Variants in PARP8 observed in about 807,000 individuals in gnomAD.
PARP8 encodes poly(ADP-ribose) polymerase family member 8, also known as protein mono-ADP-ribosyltransferase PARP8.
In PARP8, 51 loss-of-function variants were observed where a neutral mutation model predicts 124.1. That is an observed-to-expected ratio of 0.41 (90% CI 0.33 to 0.52). The LOEUF is 0.52. Among genes scored for constraint, PARP8 ranks in the 20% least tolerant of loss-of-function variants. The pLI, the probability that PARP8 is intolerant of heterozygous loss-of-function variation, is 0.21. For missense variants in PARP8, 860 were observed against 1,018.9 expected (o/e 0.84, Z 2.12); for synonymous variants, 391 against 361.5 (o/e 1.08, Z -0.93).
rs1481647977 is a variant in PARP8 at position 50,846,380 on chromosome 5, G to T, written c.*4312G>T. On this transcript the variant is annotated 3_prime_UTR_variant, in exon 26 of 26. Transcript: ENST00000281631. ...TAAATACTGCCAAGAGATCAGTAAG[G>T]CCAAATATTTTCTCTATTCACTTTT... 6.6e-6 allele frequency: 1 copy of T among 151,758 alleles called. No homozygotes were observed. Among genetic ancestry groups the T allele is most frequent in the East Asian group, 1.9e-4 (1 of 5,148 alleles). 9.4% of individuals were successfully genotyped at this position (151,758 alleles called of 1,614,324 possible).
At chr5:50,758,303 A>G (rs557489605) in intron 3 of PARP8, among the ~76,000 whole-genome samples, 1 of 152,358 alleles carries the variant, frequency 6.6e-6, no homozygotes, top group South Asian at 2.1e-4. Context: ...GCACTAATCC[A>G]AATAATGAGG....
chr5:50,739,888 A>G (rs1264756518), intron 2 of PARP8, among the ~76,000 whole-genome samples: 1 of 151,276 alleles, frequency 6.6e-6, no homozygotes, highest in Non-Finnish European at 1.5e-5. Flanking sequence ...AGCTGGGATT[A>G]CAGGCACCCA....
chr5:50,672,309 A>G lies in PARP8; in HGVS notation c.146+4184A>G, dbSNP rs1382716989. 3.9e-5 allele frequency among the ~76,000 whole-genome samples: 6 copies of G among 152,192 alleles called. No homozygotes were observed. The East Asian group carries it at 7.7e-4, about 20-fold the overall frequency. On this transcript the variant is annotated intron_variant, in intron 2 of 25. Coordinates refer to ENST00000281631, the MANE Select transcript of PARP8 (RefSeq NM_024615.4). The stretch of plus-strand genomic sequence containing the variant: ...ATGGGAATTCTCTCCTATGCGTTGC[A>G]GTTTCCCCAGCCCCTAGCACACTGT...
chr5:50,836,353 C>A (rs1249298274), intron 25 of PARP8, among the ~76,000 whole-genome samples: 1 of 152,110 alleles, frequency 6.6e-6, no homozygotes, highest in East Asian at 1.9e-4. Context: ...CAGTCAGAAT[C>A]CAAACAAGAA....
intron 7 of PARP8, among the ~76,000 whole-genome samples, chr5:50,768,270 T>C (rs970750321): frequency 1.2e-4 from 18 of 151,914 alleles, no homozygotes; most frequent in African/African-American, 4.4e-4. Context: ...CCATTAAAAA[T>C]AGGAGAACAA....
At chr5:50,672,639 G>T (rs942210999) in intron 2 of PARP8, among the ~76,000 whole-genome samples, 2 of 152,166 alleles carry the variant, frequency 1.3e-5, no homozygotes, top group African/African-American at 4.8e-5. Flanking sequence ...TGACACAGTG[G>T]AGAGTTTGGA....
chr5:50,674,688 G>C lies in PARP8; in HGVS notation c.146+6563G>C, dbSNP rs531725591. ...TCCTAACATCTACATGCTTCTGTTT[G>C]CTTAGTGACCACCCCCCGCCCACTC... On this transcript the variant is annotated intron_variant, in intron 2 of 25. Transcript: ENST00000281631. 2.0e-5 allele frequency among the ~76,000 whole-genome samples: 3 copies of C among 152,162 alleles called. No homozygotes were observed. The East Asian group carries it at 5.8e-4, about 29-fold the overall frequency.
intron 7 of PARP8, among the ~76,000 whole-genome samples, chr5:50,772,977 C>T (rs1761781161): frequency 1.3e-5 from 2 of 152,204 alleles, no homozygotes; most frequent in Admixed American, 1.3e-4. Context: ...GGATTACAGG[C>T]ATGAGCCACC....
chr5:50,749,560 A>T (rs1758996091), intron 2 of PARP8, among the ~76,000 whole-genome samples: 1 of 152,136 alleles, frequency 6.6e-6, no homozygotes. Context: ...AATATAATTT[A>T]AAAATTATTT....
At chr5:50,819,550 C>T (rs139008455) in intron 15 of PARP8, among the ~76,000 whole-genome samples, 2,338 of 145,638 alleles carry the variant, frequency 0.016, 65 homozygotes, top group African/African-American at 0.057. Flanking sequence ...AAGCAGTACT[C>T]CTGCCTCAGC....
chr5:50,837,863 A>T (rs1187907012), intron 25 of PARP8, among the ~76,000 whole-genome samples: 1 of 152,130 alleles, frequency 6.6e-6, no homozygotes, highest in East Asian at 1.9e-4. Flanking sequence ...GAAGAAACTT[A>T]ATTAAATATA....
chr5:50,846,238 A>G lies in PARP8; in HGVS notation c.*4170A>G, dbSNP rs1748603501. 1 of 151,776 alleles carries G rather than the reference A, an allele frequency of 6.6e-6. No homozygotes were observed. The highest frequency in any genetic ancestry group is 1.5e-5 in the Non-Finnish European group (1 of 67,790). 9.4% of individuals were successfully genotyped at this position (151,776 alleles called of 1,614,324 possible). A position where few individuals can be genotyped will look rare whatever the true frequency, so the allele number is the denominator to read the frequency against. ...AAGATATGCCTATGTTTCTTTAACT[A>G]TACAGCCTCTTTACAATAAATTTCT... On this transcript the variant is annotated 3_prime_UTR_variant, in exon 26 of 26. Transcript: ENST00000281631.
At chr5:50,796,421 GT>G (rs772867354) in intron 12 of PARP8, among the ~76,000 whole-genome samples, 2 of 152,122 alleles carry the variant, frequency 1.3e-5, no homozygotes, top group South Asian at 4.1e-4. Flanking sequence ...TCAAACATAC[GT>G]TTTAAGGACA....
At chr5:50,816,217 AATTTAATGT>A (rs1299807771) in intron 15 of PARP8, among the ~76,000 whole-genome samples, 1 of 152,154 alleles carries the variant, frequency 6.6e-6, no homozygotes, top group Non-Finnish European at 1.5e-5. Context: ...ATTATGAATA[AATTTAATGT>A]ATGTTAAAGT....
chr5:50,755,958 T>G (rs1173666216), intron 3 of PARP8, among the ~76,000 whole-genome samples: 6 of 152,166 alleles, frequency 3.9e-5, no homozygotes, highest in Non-Finnish European at 7.3e-5. Context: ...GAATGGGAGT[T>G]CACTCATGAT....
At chr5:50,711,818 A>C (rs1000777497) in intron 2 of PARP8, among the ~76,000 whole-genome samples, 4 of 152,138 alleles carry the variant, frequency 2.6e-5, no homozygotes, top group African/African-American at 9.7e-5. Context: ...GCTGAGACAC[A>C]TCACTGCTTT....
intron 21 of PARP8, among the ~76,000 whole-genome samples, chr5:50,828,892 C>CA (rs1055483597): frequency 6.7e-6 from 1 of 149,310 alleles, no homozygotes; most frequent in African/African-American, 2.5e-5. Context: ...GTCTCAACAA[C>CA]AAAAAAAGAA....
chr5:50,817,080 C>T (rs1360665094), intron 15 of PARP8, among the ~76,000 whole-genome samples: 1 of 151,982 alleles, frequency 6.6e-6, no homozygotes, highest in East Asian at 1.9e-4. Context: ...ATGCAAGCTT[C>T]CCTTTAAAAA....
chr5:50,715,464 TG>T (rs1207921637), intron 2 of PARP8, among the ~76,000 whole-genome samples: 1 of 151,768 alleles, frequency 6.6e-6, no homozygotes, highest in African/African-American at 2.4e-5. Context: ...ATACTTTTTG[TG>T]GGGGGTTGTG....
Sources: gnomAD v4.1 joint callset for allele counts (sites outside exome capture counted in the v4.1 genomes callset) on GRCh38, gnomAD v4.1.1 for gene constraint, MANE v1.5 for transcripts, NCBI Gene and HGNC (gene_info 2026-07-23, HGNC 2026-07-21) for gene names.